Variants in NUP98 observed in about 807,000 individuals in gnomAD.
NUP98 encodes nuclear pore complex protein Nup98-Nup96.
In NUP98, 26 loss-of-function variants were observed where a neutral mutation model predicts 191.9. The ratio of observed to expected loss-of-function variants is 0.14; its 90% confidence interval spans 0.10 to 0.19. The LOEUF is 0.19. Ranked by LOEUF, NUP98 falls within the 10% of genes least tolerant of loss-of-function variation. The pLI, the probability that NUP98 is intolerant of heterozygous loss-of-function variation, is 1.00. For synonymous variants in NUP98, 808 were observed against 778.4 expected (o/e 1.04, Z -0.63); for missense variants, 1,941 against 2,178.8 (o/e 0.89, Z 2.17).
chr11:3,692,273 C>T (rs1308673188), intron 27 of NUP98, among the ~76,000 whole-genome samples: 3 of 150,752 alleles, frequency 2.0e-5, no homozygotes, highest in Admixed American at 2.0e-4. Context: ...AATTGCCCCA[C>T]TGCATGCCAC....
intron 16 of NUP98, among the ~76,000 whole-genome samples, chr11:3,722,749 G>A (rs1057114229): frequency 5.9e-5 from 9 of 152,210 alleles, no homozygotes; most frequent in African/African-American, 1.9e-4. Context: ...GGAGGTTGAG[G>A]TTGCAGTGAG....
intron 19 of NUP98, 96 bp downstream of exon 19, chr11:3,713,722 A>C: frequency 1.7e-6 from 2 of 1,166,902 alleles, no homozygotes; most frequent in Non-Finnish European, 2.4e-6. Context: ...CCCATCAATC[A>C]ATCAATAGAA....
At position 3,712,692 on chromosome 11, in the gene NUP98, C is replaced by G. The variant is rs1253261291; in HGVS notation, c.2614G>C (p.Asp872His). The G allele has an allele frequency of 6.2e-7, 1 of 1,613,218 alleles. No homozygotes were observed. The highest frequency in any genetic ancestry group is 8.5e-7 in the Non-Finnish European group (1 of 1,179,990). The change falls in exon 20 of 33, where the codon GAT becomes CAT. Residue 872 changes from aspartate (D) to histidine (H), a missense_variant. Coordinates refer to ENST00000324932, the MANE Select transcript of NUP98 (RefSeq NM_016320.5). ...GACGGATGCTCCTCCTCCTCTTCAT[C>G]AGAATCCTGAAGGCCATACTTAGAA... ...HFSKYGLQDS[D>H]EEEEEHPSKT... is the part of the protein sequence containing the mutation.
At chr11:3,767,988 A>T (rs1207175991) in intron 8 of NUP98, among the ~76,000 whole-genome samples, 2 of 152,170 alleles carry the variant, frequency 1.3e-5, no homozygotes, top group East Asian at 3.9e-4. Context: ...TAGCTTTAAG[A>T]GGGCCAAGTC....
intron 8 of NUP98, among the ~76,000 whole-genome samples, chr11:3,766,263 T>A (rs983064371): frequency 2.6e-5 from 4 of 151,956 alleles, no homozygotes; most frequent in African/African-American, 9.7e-5. Context: ...TAGTCCCAGC[T>A]ACTTGGGAGG....
chr11:3,707,162 T>A (rs571945812), intron 20 of NUP98, among the ~76,000 whole-genome samples: 1 of 152,328 alleles, frequency 6.6e-6, no homozygotes, highest in African/African-American at 2.4e-5. Flanking sequence ...TCTCTACTTG[T>A]GCAGTACCAC....
rs541997385 is a variant in NUP98, at chr11:3,735,391, G to A, written c.1409-67C>T. ...ATAAATGCAAGGATACAATGCATTT[G>A]TAACACAGAGCTCGGTATTCTTTTT... On this transcript the variant is annotated intron_variant, in intron 12 of 32. Transcript: ENST00000324932. 8.4e-5 allele frequency: 71 copies of A among 843,348 alleles called. No homozygotes were observed. In the African/African-American group the frequency reaches 1.2e-3, roughly 14 times the overall value. The allele number at this position is 843,348 out of a possible 1,614,324, so 52.2% of individuals were successfully genotyped here.
rs1207676413 is a variant in NUP98 at position 3,676,586 on chromosome 11, T to C, written c.5108A>G (p.His1703Arg). ...ACTGCACAGTGAAGTCACTTTGATG[T>C]GTAACTGCTCCAGGTCATTACCTGA... ...DCSGNDLEQLHIKVTSLCSRI... is the reference protein window; with the variant it reads ...DCSGNDLEQLRIKVTSLCSRI... The change falls in exon 32 of 33, where the codon CAC becomes CGC. Residue 1703 changes from histidine to arginine, a missense_variant. Coordinates refer to ENST00000324932, the MANE Select transcript of NUP98 (RefSeq NM_016320.5). 6.2e-7 allele frequency: 1 copy of C among 1,614,194 alleles called. No individual in the cohort carries two copies.
At chr11:3,780,556 A>G (rs1194976130) in intron 2 of NUP98, among the ~76,000 whole-genome samples, 2 of 143,990 alleles carry the variant, frequency 1.4e-5, no homozygotes, top group East Asian at 2.0e-4. Context: ...AAAAAAAAAA[A>G]AAAAAAGAAA....
chr11:3,794,922 C>A (rs982077633), intron 1 of NUP98, among the ~76,000 whole-genome samples: 1 of 152,142 alleles, frequency 6.6e-6, no homozygotes, highest in South Asian at 2.1e-4. Context: ...CAATACTTAT[C>A]CTTAAATCTC....
Position 3,702,728 on chromosome 11 carries a change from G to A in NUP98, c.3247C>T (p.Pro1083Ser). 3 of 1,614,146 alleles carry A rather than the reference G, an allele frequency of 1.9e-6. No homozygotes were observed. The highest frequency in any genetic ancestry group is 2.5e-6 in the Non-Finnish European group (3 of 1,180,032). ...GTTTTCAACGGAACCTCAGGGGCTG[G>A]GCTGGGCATTGTGAACACAGAAGTC... ...PLTSVFTMPS[P>S]APEVPLKTVG... The change falls in exon 23 of 33, where the codon CCA becomes TCA. Residue 1083 changes from proline to serine, a missense_variant. By Grantham distance (74) the Pro-to-Ser change is moderately conservative (BLOSUM62 -1). Coordinates refer to ENST00000324932, the MANE Select transcript of NUP98 (RefSeq NM_016320.5).
chr11:3,768,723 T>C lies in NUP98; in HGVS notation c.806A>G (p.Asn269Ser), dbSNP rs1286825064. 1 of 1,586,538 alleles carries C rather than the reference T, an allele frequency of 6.3e-7. No homozygotes were observed. The highest frequency in any genetic ancestry group is 1.2e-5 in the South Asian group (1 of 86,874). ...FGTSTTGFGTNPGGLFGQQNQ... is the reference protein window; with the variant it reads ...FGTSTTGFGTSPGGLFGQQNQ... ...CTGTTGGCCAAAGAGACCACCTGGA[T>C]TTGTTCCAAATCCAGTTGTACCTTT... The change falls in exon 8 of 33, where the codon AAT becomes AGT. Residue 269 changes from asparagine (N) to serine (S), a missense_variant. By Grantham distance (46) the Asn-to-Ser change is conservative (BLOSUM62 1). Around this residue, in one of 6 missense-constraint regions of NUP98, gnomAD observed 181 missense variants for 228.0 expected, o/e 0.79. Transcript: ENST00000324932.
At chr11:3,721,551 T>C (rs867715763) in intron 16 of NUP98, among the ~76,000 whole-genome samples, 1 of 151,870 alleles carries the variant, frequency 6.6e-6, no homozygotes, top group South Asian at 2.1e-4. Flanking sequence ...ATACAAAAAT[T>C]AGCTGGGCAT....
intron 20 of NUP98, 60 bp from the exon 21 acceptor site, chr11:3,706,687 C>T: frequency 1.4e-6 from 2 of 1,440,426 alleles, no homozygotes; most frequent in Non-Finnish European, 9.6e-7. Context: ...GAAATAGATT[C>T]TAAATCAGAT....
chr11:3,725,633 T>A (rs931166577), intron 14 of NUP98, among the ~76,000 whole-genome samples: 1 of 152,254 alleles, frequency 6.6e-6, no homozygotes, highest in Non-Finnish European at 1.5e-5. Flanking sequence ...CTCATAGTGC[T>A]GTCTTGAATG....
At position 3,695,819 on chromosome 11, in the gene NUP98, T is replaced by C. The variant is rs553883232; in HGVS notation, c.4010-213A>G. 2.4e-4 allele frequency among the ~76,000 whole-genome samples: 37 copies of C among 152,282 alleles called. No homozygotes were observed. In the South Asian group the frequency reaches 7.7e-3, roughly 32 times the overall value. On this transcript the variant is annotated intron_variant, in intron 25 of 32. Coordinates refer to ENST00000324932, the MANE Select transcript of NUP98 (RefSeq NM_016320.5). ...AAAGTAGTTTAACCTAAATTACCTA[T>C]AGACTGAATAGCATATAGACATCAA...
rs116234515 is a variant in NUP98, at chr11:3,769,675, G to A, written c.785-931C>T. 4.0e-3 allele frequency among the ~76,000 whole-genome samples: 609 copies of A among 151,900 alleles called. 2 individuals carry two copies. Among genetic ancestry groups the A allele is most frequent in the African/African-American group, 0.014 (572 of 41,430 alleles). ...ACATGGTGGTTCACACTGGGAGGCT[G>A]AGACGGGTGATCACCTGAGATCAGG... On this transcript the variant is annotated intron_variant, in intron 7 of 32. Coordinates refer to ENST00000324932, the MANE Select transcript of NUP98 (RefSeq NM_016320.5).
chr11:3,702,366 C>G lies in NUP98; in HGVS notation c.3512+97G>C, dbSNP rs530417969. 538 of 689,474 alleles carry G rather than the reference C, an allele frequency of 7.8e-4. 3 individuals are homozygous for G. The African/African-American group carries it at 0.01, about 13-fold the overall frequency. 42.7% of individuals were successfully genotyped at this position (689,474 alleles called of 1,614,324 possible). ...TCTCTCTCTCTCTCTCTCTCTCTCT[C>G]TCTAGAAAGATGACAAAGCAGGGCC... is the stretch of plus-strand genomic sequence containing the variant. On this transcript the variant is annotated intron_variant, in intron 23 of 32. Transcript: ENST00000324932.
chr11:3,695,665 A>ACTAT, intron 25 of NUP98, 59 bp from the exon 26 acceptor site: 1 of 1,173,690 alleles, frequency 8.5e-7, no homozygotes, highest in Non-Finnish European at 1.1e-6. Context: ...TTCGTCAAAC[A>ACTAT]CTTGGGGGCA....
Sources: gnomAD v4.1 joint callset for allele counts (sites outside exome capture counted in the v4.1 genomes callset) on GRCh38, gnomAD v4.1.1 for gene constraint, gnomAD v4.1.1 regional missense constraint, MANE v1.5 for transcripts, NCBI Gene and HGNC (gene_info 2026-07-23, HGNC 2026-07-21) for gene names.